The following TTC13 variants were observed in gnomAD, a reference collection of about 807,000 sequenced individuals.
The protein encoded by TTC13 is tetratricopeptide repeat protein 13.
TTC13 carries 62 observed loss-of-function variants against 120.0 expected under a neutral mutation model. The ratio of observed to expected loss-of-function variants is 0.52; its 90% confidence interval spans 0.42 to 0.64. The LOEUF is 0.64. TTC13 is among the 30% of genes least tolerant of loss of function. The pLI is 0.00. For missense variants in TTC13, 824 were observed against 1,050.2 expected, an observed-to-expected ratio of 0.78 and a Z score of 2.98; for synonymous variants, 384 against 393.5, an observed-to-expected ratio of 0.98 and a Z score of 0.28.
chr1:230,935,878 T>C lies in TTC13; in HGVS notation c.901-2017A>G, dbSNP rs570325402. On this transcript the variant is annotated intron_variant, in intron 8 of 22. Transcript: ENST00000366661. ...TGTCTCTGAGGAGAGAAAAGAAGGGTCAACCTCAGGAGACATTTTGAAAGG... is the reference window on the plus strand; with the variant it reads ...TGTCTCTGAGGAGAGAAAAGAAGGGCCAACCTCAGGAGACATTTTGAAAGG... Among the ~76,000 whole-genome samples the C allele has an allele frequency of 2.0e-5, 3 of 152,162 alleles. No individual in the cohort carries two copies. In the East Asian group the frequency reaches 5.8e-4, roughly 29 times the overall value.
chr1:230,950,367 G>T (rs1487377200), intron 4 of TTC13, among the ~76,000 whole-genome samples: 2 of 151,816 alleles, frequency 1.3e-5, no homozygotes, highest in Non-Finnish European at 2.9e-5. Flanking sequence ...TTATGCAACT[G>T]CAAAATCATG....
intron 20 of TTC13, 124 bp downstream of exon 20, chr1:230,911,346 A>C (rs1041044867): frequency 4.9e-6 from 3 of 608,388 alleles, no homozygotes; most frequent in Non-Finnish European, 8.0e-6. Context: ...AGATTTTGGA[A>C]AAAAATAGGG....
chr1:230,951,916 T>C (rs1675627421), intron 4 of TTC13, among the ~76,000 whole-genome samples: 1 of 152,170 alleles, frequency 6.6e-6, no homozygotes, highest in African/African-American at 2.4e-5. Context: ...TCACCTACTT[T>C]TACAGTGTCT....
intron 12 of TTC13, 68 bp from the exon 13 acceptor site, chr1:230,925,715 A>G: frequency 6.4e-7 from 1 of 1,568,004 alleles, no homozygotes; most frequent in Admixed American, 1.7e-5. Flanking sequence ...ATTCCACCTG[A>G]GAAGCAGTCA....
At chr1:230,964,719 T>A (rs555347626) in intron 1 of TTC13, among the ~76,000 whole-genome samples, 25 of 152,208 alleles carry the variant, frequency 1.6e-4, no homozygotes, top group Non-Finnish European at 3.5e-4. Context: ...AAAGGAAATC[T>A]TTAAGATTAT....
chr1:230,954,706 G>A (rs1257840733), intron 3 of TTC13, among the ~76,000 whole-genome samples: 1 of 152,166 alleles, frequency 6.6e-6, no homozygotes, highest in Non-Finnish European at 1.5e-5. Context: ...TAATCTTTGT[G>A]ATGTCTCCTA....
rs141933783 is a variant in TTC13 at position 230,957,484 on chromosome 1, G to A, written c.442+740C>T. Among the ~76,000 whole-genome samples the A allele has an allele frequency of 2.9e-3, 445 of 152,298 alleles. 3 individuals are homozygous for A. The highest frequency in any genetic ancestry group is 9.3e-3 in the African/African-American group (385 of 41,542). Reference sequence around the variant, plus strand: ...GGAGCACTTAGTCTTAATATCAAACGTGTATGACCATGGTAAGGATAAAAT... The same window carrying A: ...GGAGCACTTAGTCTTAATATCAAACATGTATGACCATGGTAAGGATAAAAT... On this transcript the variant is annotated intron_variant, in intron 3 of 22. Coordinates refer to ENST00000366661, the MANE Select transcript of TTC13 (RefSeq NM_024525.5).
At chr1:230,922,199 G>A (rs1014130760) in intron 15 of TTC13, among the ~76,000 whole-genome samples, 1 of 152,110 alleles carries the variant, frequency 6.6e-6, no homozygotes, top group Admixed American at 6.5e-5. Flanking sequence ...GGACAACCAC[G>A]TACCTGAGGG....
chr1:230,908,428 G>A, intron 22 of TTC13: 1 of 502,272 alleles, frequency 2.0e-6, no homozygotes. Flanking sequence ...GGCCTCAAAT[G>A]ATCCTTCCAC....
At chr1:230,973,423 A>G (rs990131457) in intron 1 of TTC13, among the ~76,000 whole-genome samples, 4 of 152,244 alleles carry the variant, frequency 2.6e-5, no homozygotes, top group Non-Finnish European at 5.9e-5. Context: ...CACAATTCTC[A>G]AATTGGACAA....
chr1:230,972,498 CCAAA>C (rs1287708444), intron 1 of TTC13, among the ~76,000 whole-genome samples: 1 of 152,060 alleles, frequency 6.6e-6, no homozygotes, highest in Non-Finnish European at 1.5e-5. Flanking sequence ...TAAGATGAGC[CCAAA>C]CAAAATGACC....
At chr1:230,969,035 G>A (rs886463564) in intron 1 of TTC13, among the ~76,000 whole-genome samples, 4 of 152,226 alleles carry the variant, frequency 2.6e-5, no homozygotes, top group Non-Finnish European at 5.9e-5. Context: ...AGCACTTTGG[G>A]AGGCTGAGGT....
chr1:230,928,899 GA>G, intron 12 of TTC13, 37 bp downstream of exon 12: 6 of 1,606,426 alleles, frequency 3.7e-6, no homozygotes, highest in Non-Finnish European at 5.1e-6. Context: ...TCAGTTTTGA[GA>G]AAGGAAAAAA....
At chr1:230,948,545 T>C (rs1675232757) in intron 4 of TTC13, among the ~76,000 whole-genome samples, 1 of 151,466 alleles carries the variant, frequency 6.6e-6, no homozygotes, top group Admixed American at 6.6e-5. Context: ...CATGCTAGAG[T>C]ACAGTGGTGC....
chr1:230,913,268 C>T (rs1158948860), intron 18 of TTC13, among the ~76,000 whole-genome samples: 2 of 152,206 alleles, frequency 1.3e-5, no homozygotes, highest in Admixed American at 6.5e-5. Flanking sequence ...TTTTGTATAA[C>T]GCCACTAGCA....
chr1:230,967,247 C>T (rs928590691), intron 1 of TTC13, among the ~76,000 whole-genome samples: 1 of 152,046 alleles, frequency 6.6e-6, no homozygotes, highest in Admixed American at 6.6e-5. Flanking sequence ...TTATTCCTGA[C>T]ATTAATACTT....
intron 13 of TTC13, 134 bp downstream of exon 13, chr1:230,925,383 A>G (rs544555864): frequency 9.4e-7 from 1 of 1,061,696 alleles, no homozygotes; most frequent in Non-Finnish European, 1.3e-6. Flanking sequence ...ATGATTCTAC[A>G]CATTTCTATT....
intron 18 of TTC13, among the ~76,000 whole-genome samples, chr1:230,915,507 G>A (rs1191938741): frequency 1.3e-5 from 2 of 152,118 alleles, no homozygotes; most frequent in East Asian, 3.8e-4. Context: ...GCAAAACAAT[G>A]AGAAATACCC....
At chr1:230,908,674 T>A in intron 22 of TTC13, 38 bp downstream of exon 22, 1 of 1,565,444 alleles carries the variant, frequency 6.4e-7, no homozygotes, top group Non-Finnish European at 8.8e-7. Flanking sequence ...CCTCCTCCAG[T>A]TATGATACCC....
Sources: allele counts gnomAD v4.1 joint callset (sites outside exome capture counted in the v4.1 genomes callset), GRCh38; gene constraint gnomAD v4.1.1; transcripts MANE v1.5; gene names NCBI Gene and HGNC (gene_info 2026-07-23, HGNC 2026-07-21).